Variants in KCNMA1 observed in about 807,000 individuals in gnomAD.
KCNMA1 encodes Calcium-activated potassium channel subunit alpha-1.
A neutral mutation model predicts 140.0 loss-of-function variants in KCNMA1; 29 were observed. That is an observed-to-expected ratio of 0.21 (90% CI 0.15 to 0.28). The LOEUF (loss-of-function observed/expected upper bound fraction) is 0.28, where lower values mean the gene tolerates loss of function less well. Ranked by LOEUF, KCNMA1 falls within the 10% of genes least tolerant of loss-of-function variation. KCNMA1 has a pLI of 1.00. For synonymous variants in KCNMA1, 612 were observed against 611.9 expected (o/e 1.00, Z 0.00); for missense variants, 880 against 1,602.2 (o/e 0.55, Z 7.70).
chr10:77,108,520 T>C lies in KCNMA1; in HGVS notation c.1184A>G (p.Lys395Arg), dbSNP rs2097248629. 2 of 1,613,932 alleles carry C rather than the reference T, an allele frequency of 1.2e-6. No homozygotes were observed. Among genetic ancestry groups the C allele is most frequent in the Non-Finnish European group, 1.7e-6 (2 of 1,180,018 alleles). The change falls in exon 9 of 28, where the codon AAG becomes AGG. Residue 395 changes from lysine (K) to arginine (R), a missense_variant. Lys to Arg is a conservative substitution (Grantham distance 26). Coordinates refer to ENST00000286628, the MANE Select transcript of KCNMA1 (RefSeq NM_001161352.2). This position sits in a 1 kb window ranked among gnomAD's most constrained non-coding sequence, Gnocchi z 4.6. The stretch of plus-strand genomic sequence containing the variant: ...CGCACTATAGGAGCCCCCGTATTTC[T>C]TGCGGTTTCCTATTAACTCTATGAT... ...PEIIELIGNR[K>R]KYGGSYSAVS...
At chr10:77,005,353 A>C (rs2088103524) in intron 18 of KCNMA1, among the ~76,000 whole-genome samples, 1 of 152,234 alleles carries the variant, frequency 6.6e-6, no homozygotes, top group African/African-American at 2.4e-5. Context: ...CACAGCTGGC[A>C]CAGGAGGACT....
intron 3 of KCNMA1, 148 bp downstream of exon 3, chr10:77,251,047 A>G (rs1344236189): frequency 2.8e-6 from 2 of 703,756 alleles, no homozygotes; most frequent in Non-Finnish European, 5.1e-6. Flanking sequence ...CATTTAGAAA[A>G]TCAGTACAGT....
intron 19 of KCNMA1, among the ~76,000 whole-genome samples, chr10:76,985,011 G>A (rs909068936): frequency 1.3e-5 from 2 of 152,202 alleles, no homozygotes; most frequent in African/African-American, 2.4e-5. Context: ...ACCTGCTGGT[G>A]GACCTGCATG....
At chr10:77,547,047 G>A (rs1049112588) in intron 1 of KCNMA1, among the ~76,000 whole-genome samples, 10 of 152,194 alleles carry the variant, frequency 6.6e-5, no homozygotes, top group Non-Finnish European at 1.0e-4. Flanking sequence ...TTTCCCTAAA[G>A]AGAGCCCATA....
intron 2 of KCNMA1, among the ~76,000 whole-genome samples, chr10:77,311,083 A>G (rs1393119921): frequency 6.6e-6 from 1 of 152,210 alleles, no homozygotes; most frequent in Admixed American, 6.5e-5. Flanking sequence ...AAGTCTGTCC[A>G]AGGCTGATCA....
downstream of KCNMA1, among the ~76,000 whole-genome samples, chr10:76,882,395 C>T (rs1440277730): frequency 6.6e-6 from 1 of 152,136 alleles, no homozygotes; most frequent in Non-Finnish European, 1.5e-5. Context: ...GGAGCTTCGA[C>T]CTTCAAGGGT....
chr10:76,976,393 A>G lies in KCNMA1; in HGVS notation c.2267-6326T>C, dbSNP rs1480291258. On this transcript the variant is annotated intron_variant, in intron 19 of 27. Transcript: ENST00000286628. Reference sequence around the variant, plus strand: ...GAATTGTGTAAGTTTGAGTCCATCAACACAGAGTAATGAAAGAATTCAGCT... The same window carrying G: ...GAATTGTGTAAGTTTGAGTCCATCAGCACAGAGTAATGAAAGAATTCAGCT... 3.3e-5 allele frequency among the ~76,000 whole-genome samples: 5 copies of G among 152,220 alleles called. No individual in the cohort carries two copies. The South Asian group carries it at 1.0e-3, about 32-fold the overall frequency.
intron 1 of KCNMA1, among the ~76,000 whole-genome samples, chr10:77,508,623 T>C (rs1258025496): frequency 2.1e-5 from 3 of 143,752 alleles, no homozygotes; most frequent in Non-Finnish European, 4.5e-5. Context: ...TCCCTCTCTC[T>C]CTCTTTTTTT....
intron 2 of KCNMA1, among the ~76,000 whole-genome samples, chr10:77,352,146 G>A (rs1298409409): frequency 2.6e-5 from 4 of 152,164 alleles, no homozygotes; most frequent in Admixed American, 2.0e-4. Context: ...CCGCGTGCAG[G>A]GTTCAAATCA....
At chr10:77,261,009 G>C (rs2154266002) in intron 2 of KCNMA1, among the ~76,000 whole-genome samples, 1 of 152,268 alleles carries the variant, frequency 6.6e-6, no homozygotes, top group African/African-American at 2.4e-5. Context: ...AAGGGGCACA[G>C]AGACAAACTG....
chr10:77,047,444 A>C (rs886461005), intron 14 of KCNMA1, among the ~76,000 whole-genome samples: 2 of 152,182 alleles, frequency 1.3e-5, no homozygotes, highest in Admixed American at 6.5e-5. Context: ...CCATTATCCC[A>C]ACCAGGTTTA....
At chr10:77,107,994 G>A (rs1253177491) in intron 9 of KCNMA1, among the ~76,000 whole-genome samples, 1 of 152,194 alleles carries the variant, frequency 6.6e-6, no homozygotes, top group South Asian at 2.1e-4. Context: ...GATGATGGAA[G>A]AATGAACGAG....
At chr10:76,910,374 T>C (rs2152372452) in intron 24 of KCNMA1, 1 of 420,274 alleles carries the variant, frequency 2.4e-6, no homozygotes, top group Admixed American at 3.5e-5. Context: ...TGCTGGCCAG[T>C]CCTTTGGCAT....
At chr10:77,514,326 A>C (rs1035045609) in intron 1 of KCNMA1, among the ~76,000 whole-genome samples, 1 of 152,186 alleles carries the variant, frequency 6.6e-6, no homozygotes, top group African/African-American at 2.4e-5. Context: ...GGGGAAGCGA[A>C]TCACTTTGCA....
At chr10:77,328,623 C>T (rs1009875443) in intron 2 of KCNMA1, among the ~76,000 whole-genome samples, 6 of 152,174 alleles carry the variant, frequency 3.9e-5, no homozygotes, top group African/African-American at 7.2e-5. Flanking sequence ...CAAAGACTGA[C>T]GGGTGGTCAT....
At chr10:77,550,541 C>T (rs1312384423) in intron 1 of KCNMA1, among the ~76,000 whole-genome samples, 1 of 152,200 alleles carries the variant, frequency 6.6e-6, no homozygotes, top group African/African-American at 2.4e-5. Flanking sequence ...GCTTTGTGAT[C>T]TCACGTAGAT....
intron 2 of KCNMA1, among the ~76,000 whole-genome samples, chr10:77,280,337 C>T (rs2068062032): frequency 1.3e-5 from 2 of 152,174 alleles, no homozygotes; most frequent in East Asian, 3.8e-4. Flanking sequence ...GTAAATTGTA[C>T]ATAAGTGACA....
chr10:77,179,684 AG>A (rs2098787080), intron 5 of KCNMA1, among the ~76,000 whole-genome samples: 1 of 152,086 alleles, frequency 6.6e-6, no homozygotes, highest in South Asian at 2.1e-4. Context: ...GTGGACATAA[AG>A]TCAGACCACA....
At chr10:77,334,696 C>T (rs531404994) in intron 2 of KCNMA1, among the ~76,000 whole-genome samples, 6 of 152,130 alleles carry the variant, frequency 3.9e-5, no homozygotes, top group East Asian at 1.9e-4. Flanking sequence ...ATGAAACATA[C>T]ACTCAGTGTC....
Sources: allele counts gnomAD v4.1 joint callset (sites outside exome capture counted in the v4.1 genomes callset), GRCh38; gene constraint gnomAD v4.1.1; non-coding constraint Gnocchi (gnomAD v3.1); transcripts MANE v1.5; gene names NCBI Gene and HGNC (gene_info 2026-07-23, HGNC 2026-07-21).